The following ARL15 variants were observed in gnomAD, a reference collection of about 807,000 sequenced individuals.
ARL15 encodes ADP-ribosylation factor-like protein 15.
ARL15 carries 19 observed loss-of-function variants against 25.2 expected under a neutral mutation model. That is an observed-to-expected ratio of 0.75 (90% CI 0.53 to 1.10). ARL15 has a LOEUF of 1.10. Among genes scored for constraint, ARL15 ranks in the 50% least tolerant of loss-of-function variants. The pLI is 0.00. For missense variants in ARL15, 220 were observed against 246.0 expected, an observed-to-expected ratio of 0.89 and a Z score of 0.71; for synonymous variants, 94 against 86.8, an observed-to-expected ratio of 1.08 and a Z score of -0.46.
chr5:54,057,116 A>G (rs1750901071), intron 4 of ARL15, among the ~76,000 whole-genome samples: 3 of 152,216 alleles, frequency 2.0e-5, no homozygotes, highest in Admixed American at 2.0e-4. Context: ...TTTTGGGAAA[A>G]GTGATTTATA....
chr5:54,305,838 C>A (rs181127831), intron 1 of ARL15, among the ~76,000 whole-genome samples: 1 of 151,956 alleles, frequency 6.6e-6, no homozygotes, highest in South Asian at 2.1e-4. Context: ...AAAGTAAAAC[C>A]GTGGATGGGA....
chr5:53,892,122 T>C (rs567048425), intron 4 of ARL15, among the ~76,000 whole-genome samples: 16 of 152,316 alleles, frequency 1.1e-4, no homozygotes, highest in African/African-American at 3.4e-4. Flanking sequence ...AGAAAAACAA[T>C]GGATTCCAAT....
intron 3 of ARL15, among the ~76,000 whole-genome samples, chr5:54,114,570 T>C (rs554820023): frequency 3.5e-4 from 53 of 152,256 alleles, no homozygotes; most frequent in South Asian, 8.3e-4. Context: ...TATATACTAA[T>C]TAAGCTTTAC....
intron 1 of ARL15, among the ~76,000 whole-genome samples, chr5:54,242,296 A>T (rs1031913352): frequency 6.6e-6 from 1 of 152,140 alleles, no homozygotes; most frequent in African/African-American, 2.4e-5. Flanking sequence ...ATAGGGAAGT[A>T]TTTTTACAAT....
At chr5:54,107,956 T>C (rs77079059) in intron 4 of ARL15, among the ~76,000 whole-genome samples, 1,666 of 152,048 alleles carry the variant, frequency 0.011, 10 homozygotes, top group Non-Finnish European at 0.017. Context: ...GAAAAAACAG[T>C]GAGATCAAGG....
chr5:54,154,192 C>T (rs1342070092), intron 3 of ARL15, among the ~76,000 whole-genome samples: 2 of 152,112 alleles, frequency 1.3e-5, no homozygotes, highest in African/African-American at 4.8e-5. Context: ...AGATCTAATA[C>T]AATAAAACCT....
At chr5:54,197,331 C>T (rs559009300) in intron 1 of ARL15, among the ~76,000 whole-genome samples, 1 of 152,238 alleles carries the variant, frequency 6.6e-6, no homozygotes, top group Admixed American at 6.5e-5. Flanking sequence ...GCTCTTTTAA[C>T]ACACCTTTCA....
chr5:54,073,421 A>G (rs1190071652), intron 4 of ARL15, among the ~76,000 whole-genome samples: 2 of 152,206 alleles, frequency 1.3e-5, no homozygotes, highest in Non-Finnish European at 2.9e-5. Flanking sequence ...CTCACCACAT[A>G]TATAAGAGGA....
chr5:54,269,556 T>C (rs1757723860), intron 1 of ARL15, among the ~76,000 whole-genome samples: 1 of 152,226 alleles, frequency 6.6e-6, no homozygotes, highest in Admixed American at 6.5e-5. Flanking sequence ...CCATAATGTA[T>C]AAAAAGTAAA....
In ARL15 at chr5:54,310,490, A is replaced by T; in HGVS notation, c.-11T>A. Reference sequence around the variant, plus strand: ...TCGGAGATCAGACATCCGGCAGCCTAAAGCATCCGGAACGGCTCCGAACCC... The same window carrying T: ...TCGGAGATCAGACATCCGGCAGCCTTAAGCATCCGGAACGGCTCCGAACCC... On this transcript the variant is annotated 5_prime_UTR_variant, in exon 1 of 5. The change abolishes the stop of an existing upstream ORF in the 5' untranslated region. Coordinates refer to ENST00000504924, the MANE Select transcript of ARL15 (RefSeq NM_019087.3). 6.2e-7 allele frequency: 1 copy of T among 1,601,370 alleles called. No individual in the cohort carries two copies. The highest frequency in any genetic ancestry group is 1.7e-5 in the Admixed American group (1 of 58,362).
chr5:54,015,384 A>G (rs1178157569), intron 4 of ARL15, among the ~76,000 whole-genome samples: 2 of 152,202 alleles, frequency 1.3e-5, no homozygotes, highest in Admixed American at 6.5e-5. Flanking sequence ...AATGTGAAAC[A>G]CTGCTAGTCC....
chr5:53,967,186 T>C (rs187212859), intron 4 of ARL15, among the ~76,000 whole-genome samples: 74 of 152,294 alleles, frequency 4.9e-4, no homozygotes, highest in Middle Eastern at 3.4e-3. Context: ...TAATTTCAGG[T>C]TTTTTTAGTT....
At chr5:54,126,392 C>G (rs548184114) in intron 3 of ARL15, among the ~76,000 whole-genome samples, 22 of 152,346 alleles carry the variant, frequency 1.4e-4, no homozygotes, top group African/African-American at 5.3e-4. Flanking sequence ...TCAGACTTAG[C>G]AGCCAAGATT....
intron 1 of ARL15, among the ~76,000 whole-genome samples, chr5:54,254,140 C>CT (rs1474006683): frequency 6.6e-6 from 1 of 152,204 alleles, no homozygotes; most frequent in East Asian, 1.9e-4. Flanking sequence ...TCTTCAAACT[C>CT]TGTTTCCGTG....
chr5:54,217,717 C>G (rs565670692), intron 1 of ARL15, among the ~76,000 whole-genome samples: 1 of 152,038 alleles, frequency 6.6e-6, no homozygotes, highest in South Asian at 2.1e-4. Flanking sequence ...ATGTTACCCT[C>G]GGTAGAATTA....
Position 54,010,991 on chromosome 5 carries a change from C to T in ARL15, c.462+102211G>A, listed in dbSNP as rs933458893. Among the ~76,000 whole-genome samples the T allele has an allele frequency of 4.5e-5, 6 of 134,612 alleles. No individual in the cohort carries two copies. In the East Asian group the frequency reaches 1.3e-3, roughly 28 times the overall value. 88.3% of individuals were successfully genotyped at this position (134,612 alleles called of 152,430 possible). A position where few individuals can be genotyped will look rare whatever the true frequency, so the allele number is the denominator to read the frequency against. On this transcript the variant is annotated intron_variant, in intron 4 of 4. Transcript: ENST00000504924. ...CTCCAGCCCGGGCGACAGAGCAAGG[C>T]TCCGTCTCAAAAAAAAAAAAAAAAA...
intron 1 of ARL15, among the ~76,000 whole-genome samples, chr5:54,243,147 A>G (rs1398680607): frequency 6.6e-6 from 1 of 152,226 alleles, no homozygotes; most frequent in Non-Finnish European, 1.5e-5. Context: ...AAAAGATTTT[A>G]AAAGGAGGTG....
At chr5:53,896,672 A>C (rs550119842) in intron 4 of ARL15, among the ~76,000 whole-genome samples, 1 of 151,818 alleles carries the variant, frequency 6.6e-6, no homozygotes, top group Admixed American at 6.6e-5. Context: ...AATTTTTTGT[A>C]TTTTTAGTAG....
At chr5:54,272,409 T>C (rs931328908) in intron 1 of ARL15, among the ~76,000 whole-genome samples, 1 of 152,154 alleles carries the variant, frequency 6.6e-6, no homozygotes, top group Non-Finnish European at 1.5e-5. Context: ...AAACACTACA[T>C]GTTTGTCAAG....
Sources: gnomAD v4.1 joint callset for allele counts (sites outside exome capture counted in the v4.1 genomes callset) on GRCh38, gnomAD v4.1.1 for gene constraint, MANE v1.5 for transcripts, NCBI Gene and HGNC (gene_info 2026-07-23, HGNC 2026-07-21) for gene names.